Variants in IGF2 observed in about 807,000 individuals in gnomAD.
IGF2 encodes the protein insulin-like growth factor 2.
Under a neutral mutation model 12.0 loss-of-function variants are expected in IGF2, and 2 were observed. The ratio of observed to expected loss-of-function variants is 0.17; its 90% CI spans 0.07 to 0.52. The LOEUF (loss-of-function observed/expected upper bound fraction) is 0.52, where lower values mean the gene tolerates loss of function less well. IGF2 is among the 20% of genes least tolerant of loss of function. The pLI is 0.95. For synonymous variants in IGF2, 105 were observed against 110.1 expected (o/e 0.95, Z 0.29); for missense variants, 211 against 268.0 (o/e 0.79, Z 1.48).
At chr11:2,141,170 G>A (rs571287076), upstream of IGF2, 5 of 173,090 alleles carry the variant, frequency 2.9e-5, no homozygotes, top group African/African-American at 1.2e-4. Flanking sequence ...GTTGCTCTGG[G>A]GACTTCGTAG....
At chr11:2,146,391 C>T in the IGF2 span, 5 of 534,568 alleles carry the variant, frequency 9.4e-6, no homozygotes, top group African/African-American at 5.8e-5. Flanking sequence ...TGCGCTCACT[C>T]CCCTCGCTGG....
upstream of IGF2, among the ~76,000 whole-genome samples, chr11:2,146,010 A>G (rs1267566323): frequency 1.3e-5 from 2 of 151,850 alleles, no homozygotes. Flanking sequence ...GGCCGGCAGG[A>G]ACTTTAGCCC....
At chr11:2,146,799 TC>T in the IGF2 span, 2 of 205,574 alleles carry the variant, frequency 9.7e-6, no homozygotes, top group South Asian at 1.4e-4. Flanking sequence ...GCTCCAACGC[TC>T]CCCAAGTCCT....
In IGF2 at chr11:2,138,788, GC is replaced by G; in HGVS notation, c.-567del. The G allele has an allele frequency of 1.1e-6, 1 of 950,382 alleles. No individual in the cohort carries two copies. Among genetic ancestry groups the G allele is most frequent in the Non-Finnish European group, 1.3e-6 (1 of 799,562 alleles). 58.9% of individuals were successfully genotyped at this position (950,382 alleles called of 1,614,324 possible). A position where few individuals can be genotyped will look rare whatever the true frequency, so the allele number is the denominator to read the frequency against. On this transcript the variant is annotated 5_prime_UTR_variant, in exon 1 of 4. Transcript: ENST00000416167. ...TGCGGGAGAAAGAGCGGGGGCCGGG[GC>G]CAGACGCCAAGAGGGGCGCGGGGAG... is the stretch of plus-strand genomic sequence containing the variant.
chr11:2,142,920 CTGCTCAGTG>C (rs1221339469), upstream of IGF2, among the ~76,000 whole-genome samples: 82 of 152,298 alleles, frequency 5.4e-4, no homozygotes, highest in African/African-American at 1.9e-3. The surrounding 1 kb of genome is among the most constrained non-coding windows in gnomAD (Gnocchi z 5.7). Flanking sequence ...CTCCTGGTAA[CTGCTCAGTG>C]TGCTCCAGGG....
At chr11:2,139,547 G>A (rs1859396043), upstream of IGF2, among the ~76,000 whole-genome samples, 1 of 140,596 alleles carries the variant, frequency 7.1e-6, no homozygotes, top group African/African-American at 2.6e-5. Context: ...GAGCGGGGCG[G>A]GGGGTGCGGG....
chr11:2,138,642 G>C lies in IGF2; in HGVS notation c.-420C>G, dbSNP rs548822663. ...GCACAGCGGGAGAGAACAGCACGGA[G>C]AGAAACAGAAAGCGTGTAATTAATC... On this transcript the variant is annotated 5_prime_UTR_variant, in exon 1 of 4. Transcript: ENST00000416167. 132 of 978,170 alleles carry C rather than the reference G, an allele frequency of 1.3e-4. No individual in the cohort carries two copies. In the African/African-American group the frequency reaches 2.1e-3, roughly 15 times the overall value. The allele number at this position is 978,170 out of a possible 1,614,324, so 60.6% of individuals were successfully genotyped here.
chr11:2,149,554 G>A, the IGF2 span: 10 of 605,906 alleles, frequency 1.7e-5, no homozygotes, highest in African/African-American at 1.7e-4. Flanking sequence ...GAGGCCGCTG[G>A]GGCAGCTGGC....
At chr11:2,138,194 CCCCGGCCCCGG>C in intron 1 of IGF2, 24 bp downstream of exon 1, 1 of 982,526 alleles carries the variant, frequency 1.0e-6, no homozygotes, top group Non-Finnish European at 1.2e-6. Flanking sequence ...GCCGCCCCAG[CCCCGGCCCCGG>C]CCCGGCCCGC....
intron 1 of IGF2, among the ~76,000 whole-genome samples, 160 bp downstream of exon 1, chr11:2,138,069 T>G (rs1374721241): frequency 6.7e-6 from 1 of 149,466 alleles, no homozygotes; most frequent in Admixed American, 6.6e-5. Flanking sequence ...CCCGCAGCCG[T>G]CCGTCCTCCT....
At position 2,130,222 on chromosome 11, in the gene IGF2, C is replaced by G; in HGVS notation, c.*2765G>C. 1 of 231,534 alleles carries G rather than the reference C, an allele frequency of 4.3e-6. No individual in the cohort carries two copies. The highest frequency in any genetic ancestry group is 8.5e-6 in the Non-Finnish European group (1 of 117,056). The allele number at this position is 231,534 out of a possible 1,614,324, so 14.3% of individuals were successfully genotyped here. On this transcript the variant is annotated 3_prime_UTR_variant, in exon 4 of 4. Coordinates refer to ENST00000416167, the MANE Select transcript of IGF2 (RefSeq NM_000612.6). Reference sequence around the variant, plus strand: ...AGCCAGGAGCCCCCTCCTGTGGCCTCCGAGCACCCTCCTGACACCTGAGGA... The same window carrying G: ...AGCCAGGAGCCCCCTCCTGTGGCCTGCGAGCACCCTCCTGACACCTGAGGA...
In IGF2 at chr11:2,130,908, G is replaced by C. The variant is rs938559561; in HGVS notation, c.*2079C>G. On this transcript the variant is annotated 3_prime_UTR_variant, in exon 4 of 4. Transcript: ENST00000416167. ...AGATGATCCCTAGGTGTGCTCCGGT[G>C]GGGGGGTCCCCAAGATCTTCCTTCC... The C allele has an allele frequency of 1.4e-5, 3 of 211,712 alleles. No homozygotes were observed. 13.1% of individuals were successfully genotyped at this position (211,712 alleles called of 1,614,324 possible).
In IGF2 at chr11:2,131,647, TGTGTGCTGTGTGTGC is replaced by T. The variant is rs1858571572; in HGVS notation, c.*1325_*1339del. Reference sequence around the variant, plus strand: ...GTGTGTGCTGTGTGCTGTGTTCATGTGTGTGCTGTGTGTGCGTGTGCTGTGTGCATGTGTGTGCTG... The same window carrying T: ...GTGTGTGCTGTGTGCTGTGTTCATGTGTGTGCTGTGTGCATGTGTGTGCTG... On this transcript the variant is annotated 3_prime_UTR_variant, in exon 4 of 4. Coordinates refer to ENST00000416167, the MANE Select transcript of IGF2 (RefSeq NM_000612.6). 8 of 214,438 alleles carry T rather than the reference TGTGTGCTGTGTGTGC, an allele frequency of 3.7e-5. No homozygotes were observed. Among genetic ancestry groups the T allele is most frequent in the South Asian group, 1.9e-4 (1 of 5,174 alleles). The allele number at this position is 214,438 out of a possible 1,614,324, so 13.3% of individuals were successfully genotyped here.
At position 2,131,519 on chromosome 11, in the gene IGF2, T is replaced by G. The variant is rs1282586199; in HGVS notation, c.*1468A>C. 1 of 231,548 alleles carries G rather than the reference T, an allele frequency of 4.3e-6. No homozygotes were observed. Among genetic ancestry groups the G allele is most frequent in the African/African-American group, 2.3e-5 (1 of 44,288 alleles). 14.3% of individuals were successfully genotyped at this position (231,548 alleles called of 1,614,324 possible). A position where few individuals can be genotyped will look rare whatever the true frequency, so the allele number is the denominator to read the frequency against. ...GTGCTGTGAGCTGTGTTCATGTATG[T>G]GCTGCGCATGAGTGTGTGTGCTGTG... On this transcript the variant is annotated 3_prime_UTR_variant, in exon 4 of 4. Transcript: ENST00000416167.
At position 2,135,386 on chromosome 11, in the gene IGF2, C is replaced by G; in HGVS notation, c.138G>C (p.Gly46=). The G allele has an allele frequency of 6.2e-7, 1 of 1,613,152 alleles. No individual in the cohort carries two copies. The highest frequency in any genetic ancestry group is 1.3e-5 in the African/African-American group (1 of 75,052). The stretch of plus-strand genomic sequence containing the variant: ...ACTTACTGAAGTAGAAGCCGCGGTC[C>G]CCACAGACGAACTGGAGGGTGTCCA... ...ELVDTLQFVC[G]DRGFYFSRPA... Residue 46 remains glycine, a synonymous_variant, in exon 2 of 4, where the codon GGG becomes GGC. Coordinates refer to ENST00000416167, the MANE Select transcript of IGF2 (RefSeq NM_000612.6).
intron 2 of IGF2, among the ~76,000 whole-genome samples, chr11:2,134,477 G>T (rs1171532294): frequency 6.6e-6 from 1 of 152,266 alleles, no homozygotes; most frequent in Non-Finnish European, 1.5e-5. Context: ...GAGAGGCCAG[G>T]GCGGGCAGGG....
chr11:2,142,583 A>G (rs1220553469), upstream of IGF2, among the ~76,000 whole-genome samples: 1 of 152,226 alleles, frequency 6.6e-6, no homozygotes, highest in Non-Finnish European at 1.5e-5. This position sits in a 1 kb window ranked among gnomAD's most constrained non-coding sequence, Gnocchi z 5.7. Context: ...GGCAGCGTCC[A>G]GAACATCCAA....
At chr11:2,149,343 A>G in the IGF2 span, 1 of 1,610,552 alleles carries the variant, frequency 6.2e-7, no homozygotes, top group African/African-American at 1.3e-5. Flanking sequence ...GACAAAGCTG[A>G]GGCTGGAGAA....
chr11:2,133,239 G>T lies in IGF2; in HGVS notation c.307-16C>A. On this transcript the variant is annotated splice_polypyrimidine_tract_variant and intron_variant, in intron 3 of 3. Coordinates refer to ENST00000416167, the MANE Select transcript of IGF2 (RefSeq NM_000612.6). This position sits in a 1 kb window ranked among gnomAD's most constrained non-coding sequence, Gnocchi z 8.9. ...GGAAGTTGTCCTGGGAGGGGAAGGGGCTGGTCAGCAGGTGCCTGCTCTCCA... is the reference window on the plus strand; with the variant it reads ...GGAAGTTGTCCTGGGAGGGGAAGGGTCTGGTCAGCAGGTGCCTGCTCTCCA... 6.7e-7 allele frequency: 1 copy of T among 1,501,878 alleles called. No individual in the cohort carries two copies. The highest frequency in any genetic ancestry group is 9.0e-7 in the Non-Finnish European group (1 of 1,112,418). 93.0% of individuals were successfully genotyped at this position (1,501,878 alleles called of 1,614,324 possible).
Sources: allele counts gnomAD v4.1 joint callset (sites outside exome capture counted in the v4.1 genomes callset), GRCh38; gene constraint gnomAD v4.1.1; non-coding constraint Gnocchi (gnomAD v3.1); transcripts MANE v1.5; gene names NCBI Gene and HGNC (gene_info 2026-07-23, HGNC 2026-07-21).